ADGRB3: variants seen among roughly 807,000 people sequenced by gnomAD.
ADGRB3 encodes brain-specific angiogenesis inhibitor 3.
ADGRB3 carries 37 observed loss-of-function variants against 193.4 expected under a neutral mutation model. The observed-to-expected ratio is 0.19, with a 90% confidence interval of 0.15 to 0.25. ADGRB3 has a LOEUF of 0.25. Ranked by LOEUF, ADGRB3 falls within the 10% of genes least tolerant of loss-of-function variation. ADGRB3 has a pLI of 1.00. For synonymous variants in ADGRB3, 690 were observed against 644.2 expected (o/e 1.07, Z -1.08); for missense variants, 1,637 against 1,852.9 (o/e 0.88, Z 2.14).
chr6:68,836,303 C>T (rs1272896655), intron 3 of ADGRB3, among the ~76,000 whole-genome samples: 1 of 151,948 alleles, frequency 6.6e-6, no homozygotes, highest in Non-Finnish European at 1.5e-5. Flanking sequence ...TGTATGTTAC[C>T]TGAGAGATGC....
At chr6:69,198,552 T>C (rs1008487693) in intron 17 of ADGRB3, among the ~76,000 whole-genome samples, 1 of 151,870 alleles carries the variant, frequency 6.6e-6, no homozygotes, top group African/African-American at 2.4e-5. Context: ...TATCTGAGAA[T>C]TGGAGAGGTC....
intron 3 of ADGRB3, among the ~76,000 whole-genome samples, chr6:68,686,110 A>C (rs1209055396): frequency 6.6e-6 from 1 of 152,184 alleles, no homozygotes; most frequent in African/African-American, 2.4e-5. Context: ...CCAAAGAAGG[A>C]TTGTAAGGTG....
chr6:69,205,952 A>T (rs1204524760), intron 17 of ADGRB3, among the ~76,000 whole-genome samples: 4 of 139,326 alleles, frequency 2.9e-5, no homozygotes, highest in East Asian at 4.1e-4. Flanking sequence ...CACCAAGCTA[A>T]TTTTTTTTTT....
intron 3 of ADGRB3, among the ~76,000 whole-genome samples, chr6:68,908,052 C>T (rs559053789): frequency 4.6e-5 from 7 of 151,718 alleles, no homozygotes; most frequent in African/African-American, 1.7e-4. Flanking sequence ...ACATAAAGTT[C>T]GATGAGATCT....
intron 3 of ADGRB3, among the ~76,000 whole-genome samples, chr6:68,756,505 GGGCTTCTTA>G (rs2127349277): frequency 6.6e-6 from 1 of 152,228 alleles, no homozygotes; most frequent in African/African-American, 2.4e-5. Flanking sequence ...ATAGAAGCAT[GGGCTTCTTA>G]TTTTTGAAAA....
intron 15 of ADGRB3, among the ~76,000 whole-genome samples, chr6:69,050,591 G>C (rs1771363659): frequency 6.6e-6 from 1 of 152,166 alleles, no homozygotes; most frequent in Non-Finnish European, 1.5e-5. Flanking sequence ...ATATCTTTGT[G>C]TTTGATGTTG....
At chr6:68,884,037 A>C (rs1765824072) in intron 3 of ADGRB3, among the ~76,000 whole-genome samples, 1 of 152,186 alleles carries the variant, frequency 6.6e-6, no homozygotes, top group South Asian at 2.1e-4. Flanking sequence ...TTTGACTAGA[A>C]TTCAGAGTGC....
At position 69,092,837 on chromosome 6, in the gene ADGRB3, G is replaced by A. The variant is rs955873683; in HGVS notation, c.2480+16799G>A. The stretch of plus-strand genomic sequence containing the variant: ...GACTGGGGGAGGGAAGGGGGAGAAC[G>A]TTTTCAAAAAAGAACAAGGAGTTTG... On this transcript the variant is annotated intron_variant, in intron 17 of 31. Transcript: ENST00000370598. 9.9e-5 allele frequency among the ~76,000 whole-genome samples: 15 copies of A among 152,184 alleles called. No individual in the cohort carries two copies. The East Asian group carries it at 2.1e-3, about 22-fold the overall frequency.
chr6:69,259,350 T>C (rs1766859883), intron 20 of ADGRB3, among the ~76,000 whole-genome samples: 1 of 152,176 alleles, frequency 6.6e-6, no homozygotes, highest in Non-Finnish European at 1.5e-5. Flanking sequence ...ATTTCTTTAA[T>C]ATTTTCTCCC....
intron 3 of ADGRB3, among the ~76,000 whole-genome samples, chr6:68,872,280 A>G (rs1299400592): frequency 6.6e-6 from 1 of 152,124 alleles, no homozygotes; most frequent in Non-Finnish European, 1.5e-5. Flanking sequence ...GTTTGCCTGC[A>G]GAAATACTGT....
At chr6:69,000,789 G>A (rs1459755951) in intron 11 of ADGRB3, among the ~76,000 whole-genome samples, 2 of 152,176 alleles carry the variant, frequency 1.3e-5, no homozygotes, top group Non-Finnish European at 2.9e-5. Context: ...GTGCATTTTA[G>A]TTTCAATATT....
At chr6:69,105,795 A>C (rs529453705) in intron 17 of ADGRB3, among the ~76,000 whole-genome samples, 2 of 152,222 alleles carry the variant, frequency 1.3e-5, no homozygotes, top group Non-Finnish European at 2.9e-5. Context: ...AGATGTGAAC[A>C]CAGCCTAGCA....
intron 3 of ADGRB3, among the ~76,000 whole-genome samples, chr6:68,796,423 A>G (rs778457330): frequency 6.6e-6 from 1 of 152,176 alleles, no homozygotes; most frequent in East Asian, 1.9e-4. Context: ...GGTTACAAGT[A>G]TCCTCATTAT....
intron 3 of ADGRB3, among the ~76,000 whole-genome samples, chr6:68,736,167 C>T (rs1247871712): frequency 6.9e-6 from 1 of 144,218 alleles, no homozygotes; most frequent in Non-Finnish European, 1.5e-5. Flanking sequence ...CACTTGCCAA[C>T]ATGACTGGCT....
At chr6:69,016,353 G>A (rs1217575823) in intron 12 of ADGRB3, among the ~76,000 whole-genome samples, 4 of 152,024 alleles carry the variant, frequency 2.6e-5, no homozygotes, top group Admixed American at 6.6e-5. Flanking sequence ...AAACCAGAAT[G>A]TAATGTGCAT....
intron 20 of ADGRB3, among the ~76,000 whole-genome samples, chr6:69,244,851 G>T (rs530818943): frequency 1.4e-4 from 22 of 152,120 alleles, no homozygotes; most frequent in Admixed American, 1.4e-3. Flanking sequence ...AACCCAGAGA[G>T]TGGTATGTTT....
At chr6:69,027,157 T>C (rs1770458047) in intron 13 of ADGRB3, among the ~76,000 whole-genome samples, 1 of 152,088 alleles carries the variant, frequency 6.6e-6, no homozygotes, top group Non-Finnish European at 1.5e-5. Flanking sequence ...AAATATTTTC[T>C]TTCTTTATGT....
intron 24 of ADGRB3, 108 bp from the exon 25 acceptor site, chr6:69,338,808 A>G: frequency 1.0e-5 from 9 of 879,530 alleles, no homozygotes; most frequent in Non-Finnish European, 1.7e-5. Flanking sequence ...TTTGATAAAT[A>G]TACTTTTCTG....
intron 3 of ADGRB3, among the ~76,000 whole-genome samples, chr6:68,906,047 T>C (rs1766535911): frequency 6.6e-6 from 1 of 152,066 alleles, no homozygotes; most frequent in South Asian, 2.1e-4. Flanking sequence ...ACATAAACTA[T>C]AGCCTCATAG....
Sources: allele counts gnomAD v4.1 joint callset (sites outside exome capture counted in the v4.1 genomes callset), GRCh38; gene constraint gnomAD v4.1.1; transcripts MANE v1.5; gene names NCBI Gene and HGNC (gene_info 2026-07-23, HGNC 2026-07-21).